The following ACBD5 variants were observed in gnomAD, a reference collection of about 807,000 sequenced individuals.
The protein encoded by ACBD5 is acyl-CoA binding domain containing 5, also known as acyl-CoA-binding domain-containing protein 5.
Under a neutral mutation model 71.8 loss-of-function variants are expected in ACBD5, and 40 were observed. That is an observed-to-expected ratio of 0.56 (90% CI 0.43 to 0.72). ACBD5 has a LOEUF of 0.72. Ranked by LOEUF, ACBD5 falls within the 30% of genes least tolerant of loss-of-function variation. The pLI is 0.00. For missense variants in ACBD5, 559 were observed against 644.5 expected (o/e 0.87, Z 1.44); for synonymous variants, 229 against 218.6 (o/e 1.05, Z -0.42).
In ACBD5 at chr10:27,210,806, A is replaced by C; in HGVS notation, c.1204+8T>G. On this transcript the variant is annotated splice_region_variant and intron_variant, in intron 9 of 12. Transcript: ENST00000396271. ...TAAAGGTGAGGGAAGAAAAAAGGTA[A>C]TCCACACCTCTTCCTCTTCTAACAT... 1 of 1,614,076 alleles carries C rather than the reference A, an allele frequency of 6.2e-7. No homozygotes were observed. The highest frequency in any genetic ancestry group is 8.5e-7 in the Non-Finnish European group (1 of 1,179,962).
chr10:27,185,965 T>G (rs1247375976), intron 13 of ACBD5, among the ~76,000 whole-genome samples: 1 of 151,988 alleles, frequency 6.6e-6, no homozygotes, highest in Non-Finnish European at 1.5e-5. Flanking sequence ...GGCACACACC[T>G]GTAATCCCAG....
At chr10:27,214,036 A>T (rs992441824) in intron 8 of ACBD5, among the ~76,000 whole-genome samples, 3 of 152,212 alleles carry the variant, frequency 2.0e-5, no homozygotes, top group Non-Finnish European at 4.4e-5. Flanking sequence ...GAATTGGAAG[A>T]TATTATGTTT....
At chr10:27,221,096 T>TA (rs2062276951) in intron 5 of ACBD5, among the ~76,000 whole-genome samples, 1 of 151,500 alleles carries the variant, frequency 6.6e-6, no homozygotes, top group African/African-American at 2.4e-5. Flanking sequence ...TGGCTCAGGT[T>TA]AAAAAAATTA....
chr10:27,192,853 C>A (rs1204350249), downstream of ACBD5, among the ~76,000 whole-genome samples: 2 of 151,548 alleles, frequency 1.3e-5, no homozygotes, highest in Non-Finnish European at 2.9e-5. Flanking sequence ...GCCTGTAATC[C>A]CAGCTACTCA....
At chr10:27,207,864 A>C (rs2136950240) in intron 10 of ACBD5, among the ~76,000 whole-genome samples, 1 of 152,064 alleles carries the variant, frequency 6.6e-6, no homozygotes, top group South Asian at 2.1e-4. Context: ...CCTCCTAAGT[A>C]GCTGGGATTA....
At chr10:27,219,929 A>G in intron 5 of ACBD5, 72 bp from the exon 6 acceptor site, 1 of 1,405,196 alleles carries the variant, frequency 7.1e-7, no homozygotes. Context: ...AAGTAATACT[A>G]ATAAAATTTA....
chr10:27,213,915 C>T (rs918768564), intron 8 of ACBD5, among the ~76,000 whole-genome samples: 4 of 152,226 alleles, frequency 2.6e-5, no homozygotes, highest in South Asian at 2.1e-4. Context: ...TTGGAAGCAA[C>T]CTAAGTGTCC....
At chr10:27,207,626 G>A (rs184208853) in intron 10 of ACBD5, among the ~76,000 whole-genome samples, 4 of 152,242 alleles carry the variant, frequency 2.6e-5, no homozygotes, top group East Asian at 3.9e-4. Flanking sequence ...CTCAAGAAGC[G>A]GCAGCTGAGT....
chr10:27,195,175 T>A (rs896069138), downstream of ACBD5: 1 of 353,284 alleles, frequency 2.8e-6, no homozygotes, highest in African/African-American at 2.1e-5. Flanking sequence ...AATTCTTACC[T>A]AATCAATGGG....
chr10:27,216,970 C>A (rs2061698201), intron 7 of ACBD5, among the ~76,000 whole-genome samples: 1 of 151,714 alleles, frequency 6.6e-6, no homozygotes, highest in Non-Finnish European at 1.5e-5. Flanking sequence ...CACGGTGAAA[C>A]CCCGTCTCAC....
At chr10:27,228,815 A>ATATATTTTTTT (rs1554856598) in intron 4 of ACBD5, among the ~76,000 whole-genome samples, 4 of 20,368 alleles carry the variant, frequency 2.0e-4, no homozygotes, top group East Asian at 9.4e-4. Context: ...ATATATATAT[A>ATATATTTTTTT]TTTTTTTTTT....
intron 5 of ACBD5, among the ~76,000 whole-genome samples, chr10:27,222,812 T>C (rs1466003478): frequency 6.6e-6 from 1 of 152,190 alleles, no homozygotes; most frequent in Non-Finnish European, 1.5e-5. Context: ...CTCAAGGTGA[T>C]CTGCCCGCTT....
intron 13 of ACBD5, among the ~76,000 whole-genome samples, chr10:27,182,882 A>T (rs888952906): frequency 3.3e-5 from 5 of 152,004 alleles, no homozygotes; most frequent in African/African-American, 1.2e-4. Context: ...TCCTGGGCTC[A>T]AAGGATCCTC....
At chr10:27,213,587 G>A (rs1372010798) in intron 8 of ACBD5, among the ~76,000 whole-genome samples, 4 of 152,044 alleles carry the variant, frequency 2.6e-5, no homozygotes, top group African/African-American at 7.2e-5. Flanking sequence ...GAGAAACCCC[G>A]TCTCTACTGA....
chr10:27,220,217 C>T (rs1770720894), intron 5 of ACBD5, among the ~76,000 whole-genome samples: 1 of 152,184 alleles, frequency 6.6e-6, no homozygotes, highest in Non-Finnish European at 1.5e-5. Flanking sequence ...GTTTTTGGTT[C>T]TACCAACAAT....
chr10:27,202,969 CTTT>C (rs775633178), intron 12 of ACBD5, among the ~76,000 whole-genome samples: 3 of 70,766 alleles, frequency 4.2e-5, no homozygotes, highest in African/African-American at 1.8e-4. Flanking sequence ...TCTATATCCT[CTTT>C]TTTTTTTTTT....
intron 10 of ACBD5, 72 bp from the exon 11 acceptor site, chr10:27,205,320 T>G (rs2060375304): frequency 6.7e-7 from 1 of 1,500,422 alleles, no homozygotes; most frequent in Non-Finnish European, 9.2e-7. Context: ...TTTCCTATCT[T>G]TTTTTAAAAG....
chr10:27,221,677 G>C (rs2062354485), intron 5 of ACBD5, among the ~76,000 whole-genome samples: 1 of 151,898 alleles, frequency 6.6e-6, no homozygotes, highest in South Asian at 2.1e-4. Context: ...GCTTTGGGAA[G>C]CTGAGTTGGG....
At chr10:27,208,552 G>C (rs2060717608) in intron 9 of ACBD5, 107 bp from the exon 10 acceptor site, 4 of 1,345,832 alleles carry the variant, frequency 3.0e-6, no homozygotes, top group South Asian at 2.5e-5. Context: ...AATCTCCAAA[G>C]TGTGGCCAGG....
Sources: gnomAD v4.1 joint callset for allele counts (sites outside exome capture counted in the v4.1 genomes callset) on GRCh38, gnomAD v4.1.1 for gene constraint, MANE v1.5 for transcripts, NCBI Gene and HGNC (gene_info 2026-07-23, HGNC 2026-07-21) for gene names.